The following B3GNT5 variants were observed in gnomAD, a reference collection of about 807,000 sequenced individuals.
B3GNT5 encodes UDP-GlcNAc:betaGal beta-1,3-N-acetylglucosaminyltransferase 5.
A neutral mutation model predicts 25.9 loss-of-function variants in B3GNT5; 11 were observed. The observed-to-expected ratio is 0.42, with a 90% CI of 0.27 to 0.70. The LOEUF is 0.70. B3GNT5 is among the 30% of genes least tolerant of loss of function. B3GNT5 has a pLI of 0.23. For missense variants in B3GNT5, 385 were observed against 458.4 expected (o/e 0.84, Z 1.46); for synonymous variants, 166 against 158.6 (o/e 1.05, Z -0.35).
chr3:183,258,092 C>T (rs1192152038), intron 1 of B3GNT5, among the ~76,000 whole-genome samples: 4 of 151,460 alleles, frequency 2.6e-5, no homozygotes, highest in Non-Finnish European at 4.4e-5. Flanking sequence ...TTCAGCCTCC[C>T]GAGTAGCTGG....
chr3:183,261,284 A>G (rs1340940993), intron 1 of B3GNT5, among the ~76,000 whole-genome samples: 1 of 152,178 alleles, frequency 6.6e-6, no homozygotes, highest in Non-Finnish European at 1.5e-5. Flanking sequence ...TGGCTTCTGA[A>G]GATTGGTCCT....
In B3GNT5 at chr3:183,271,911, G is replaced by A. The variant is rs577487727; in HGVS notation, c.*976G>A. On this transcript the variant is annotated 3_prime_UTR_variant, in exon 2 of 2. Coordinates refer to ENST00000326505, the MANE Select transcript of B3GNT5 (RefSeq NM_032047.5). Reference sequence around the variant, plus strand: ...ATGAAATCTTAGTGTCTAAATCCTTGTACTGATTACTAAAATTAACCCACT... The same window carrying A: ...ATGAAATCTTAGTGTCTAAATCCTTATACTGATTACTAAAATTAACCCACT... The A allele has an allele frequency of 2.4e-5, 4 of 167,648 alleles. No individual in the cohort carries two copies. Among genetic ancestry groups the A allele is most frequent in the African/African-American group, 9.7e-5 (4 of 41,434 alleles). The allele number at this position is 167,648 out of a possible 1,614,324, so 10.4% of individuals were successfully genotyped here.
Position 183,272,841 on chromosome 3 carries a change from T to C in B3GNT5, c.*1906T>C. The C allele has an allele frequency of 8.0e-7, 1 of 1,242,720 alleles. No homozygotes were observed. Among genetic ancestry groups the C allele is most frequent in the Non-Finnish European group, 1.0e-6 (1 of 981,552 alleles). 77.0% of individuals were successfully genotyped at this position (1,242,720 alleles called of 1,614,324 possible). A position where few individuals can be genotyped will look rare whatever the true frequency, so the allele number is the denominator to read the frequency against. On this transcript the variant is annotated 3_prime_UTR_variant, in exon 2 of 2. Coordinates refer to ENST00000326505, the MANE Select transcript of B3GNT5 (RefSeq NM_032047.5). ...GGTTGCCATTGGTTGAAAACATAAG[T>C]GTCTCTGGCCATCAAAGTGATCTTG...
intron 1 of B3GNT5, among the ~76,000 whole-genome samples, chr3:183,265,781 C>T (rs1193382172): frequency 6.6e-6 from 1 of 152,144 alleles, no homozygotes; most frequent in East Asian, 1.9e-4. Context: ...TTTTACCTTT[C>T]CTAAATCTTC....
rs367721231 is a variant in B3GNT5, at chr3:183,269,620, C to T, written c.-179C>T. 8 of 582,000 alleles carry T rather than the reference C, an allele frequency of 1.4e-5. No individual in the cohort carries two copies. The highest frequency in any genetic ancestry group is 1.1e-4 in the Admixed American group (3 of 27,486). The allele number at this position is 582,000 out of a possible 1,614,324, so 36.1% of individuals were successfully genotyped here. A position where few individuals can be genotyped will look rare whatever the true frequency, so the allele number is the denominator to read the frequency against. On this transcript the variant is annotated 5_prime_UTR_variant, in exon 2 of 2. Coordinates refer to ENST00000326505, the MANE Select transcript of B3GNT5 (RefSeq NM_032047.5). ...CGTTCTACAGGGTGTTCCATTCTTC[C>T]GCAATCTCAGAAAAATGGGACTAAA...
chr3:183,273,091 TA>T lies in B3GNT5; in HGVS notation c.*2162del. 1 of 1,395,450 alleles carries T rather than the reference TA, an allele frequency of 7.2e-7. No individual in the cohort carries two copies. The allele number at this position is 1,395,450 out of a possible 1,614,324, so 86.4% of individuals were successfully genotyped here. ...TGTAAATAAAAGGGTTCCAACCTTT[TA>T]AAAAAGAAGGAAAAAACTTTTTGGT... is the stretch of plus-strand genomic sequence containing the variant. On this transcript the variant is annotated 3_prime_UTR_variant, in exon 2 of 2. Coordinates refer to ENST00000326505, the MANE Select transcript of B3GNT5 (RefSeq NM_032047.5).
chr3:183,270,981 G>A lies in B3GNT5; in HGVS notation c.*46G>A. 5 of 1,489,596 alleles carry A rather than the reference G, an allele frequency of 3.4e-6. No homozygotes were observed. Among genetic ancestry groups the A allele is most frequent in the Non-Finnish European group, 4.5e-6 (5 of 1,114,240 alleles). 92.3% of individuals were successfully genotyped at this position (1,489,596 alleles called of 1,614,324 possible). On this transcript the variant is annotated 3_prime_UTR_variant, in exon 2 of 2. Transcript: ENST00000326505. The surrounding 1 kb of genome is among the most constrained non-coding windows in gnomAD (Gnocchi z 4.5). ...TTTTCACTGTCACTGAGTCAAACCT[G>A]GATGAAAAAAACCTTTAAATGTTCG...
intron 1 of B3GNT5, among the ~76,000 whole-genome samples, chr3:183,261,692 T>A (rs1280973214): frequency 6.6e-6 from 1 of 152,134 alleles, no homozygotes; most frequent in African/African-American, 2.4e-5. Flanking sequence ...CTACAGTATT[T>A]TATTTCCCCC....
At chr3:183,254,131 C>T (rs188120560) in intron 1 of B3GNT5, 1 of 151,748 alleles carries the variant, frequency 6.6e-6, no homozygotes, top group Non-Finnish European at 1.5e-5. Flanking sequence ...CGGGAGGCTC[C>T]GAGTCTGCCC....
chr3:183,269,924 T>TA lies in B3GNT5; in HGVS notation c.127dup (p.Met43AsnfsTer12). On this transcript the variant is annotated frameshift_variant, in exon 2 of 2. Coordinates refer to ENST00000326505, the MANE Select transcript of B3GNT5 (RefSeq NM_032047.5). LOFTEE classifies it high-confidence loss of function. ...CAATCGATAATCACATTGTGAGCCA[T>TA]ATGAAGTCATATTCTTACAGATACC... is the stretch of plus-strand genomic sequence containing the variant. 1 of 1,614,184 alleles carries TA rather than the reference T, an allele frequency of 6.2e-7. No homozygotes were observed. The highest frequency in any genetic ancestry group is 8.5e-7 in the Non-Finnish European group (1 of 1,180,028).
chr3:183,272,750 A>T lies in B3GNT5; in HGVS notation c.*1815A>T. On this transcript the variant is annotated 3_prime_UTR_variant, in exon 2 of 2. Coordinates refer to ENST00000326505, the MANE Select transcript of B3GNT5 (RefSeq NM_032047.5). ...GCTTATAATTAATTTTTATTAGTTG[A>T]TTGATTAATGATGTATTGCCTTTTG... The T allele has an allele frequency of 9.4e-7, 1 of 1,064,004 alleles. No individual in the cohort carries two copies. 65.9% of individuals were successfully genotyped at this position (1,064,004 alleles called of 1,614,324 possible). A position where few individuals can be genotyped will look rare whatever the true frequency, so the allele number is the denominator to read the frequency against.
At position 183,272,198 on chromosome 3, in the gene B3GNT5, G is replaced by T; in HGVS notation, c.*1263G>T. The T allele has an allele frequency of 1.0e-6, 1 of 999,948 alleles. No homozygotes were observed. Among genetic ancestry groups the T allele is most frequent in the South Asian group, 4.7e-5 (1 of 21,286 alleles). 61.9% of individuals were successfully genotyped at this position (999,948 alleles called of 1,614,324 possible). On this transcript the variant is annotated 3_prime_UTR_variant, in exon 2 of 2. Transcript: ENST00000326505. ...AGAGATGTGTCTGAGATCTAATAGA[G>T]TAAGTTACATTTATTTTACAAAGCA... is the stretch of plus-strand genomic sequence containing the variant.
intron 1 of B3GNT5, among the ~76,000 whole-genome samples, chr3:183,268,783 C>G (rs946222810): frequency 6.6e-6 from 1 of 152,166 alleles, no homozygotes; most frequent in African/African-American, 2.4e-5. Context: ...CCGTAAGTGG[C>G]TAAGGCGGCA....
At position 183,270,838 on chromosome 3, in the gene B3GNT5, G is replaced by GT; in HGVS notation, c.1047dup (p.Gly350TrpfsTer15). 2 of 1,613,692 alleles carry GT rather than the reference G, an allele frequency of 1.2e-6. No homozygotes were observed. Among genetic ancestry groups the GT allele is most frequent in the African/African-American group, 1.3e-5 (1 of 74,990 alleles). On this transcript the variant is annotated frameshift_variant, in exon 2 of 2. Coordinates refer to ENST00000326505, the MANE Select transcript of B3GNT5 (RefSeq NM_032047.5). LOFTEE classifies it high-confidence loss of function. This position sits in a 1 kb window ranked among gnomAD's most constrained non-coding sequence, Gnocchi z 4.5. ...CCTAAAGTAAAAACCATTTCCAAAG[G>GT]TTTTTTTGGTCAAATATACTGCAGA...
Position 183,272,937 on chromosome 3 carries a change from T to C in B3GNT5, c.*2002T>C. ...GCTCTTCTGAACTGTGTCCTTTTAATTTTTGCTTAGAATAGAATGGAACAA... is the reference window on the plus strand; with the variant it reads ...GCTCTTCTGAACTGTGTCCTTTTAACTTTTGCTTAGAATAGAATGGAACAA... On this transcript the variant is annotated 3_prime_UTR_variant, in exon 2 of 2. Transcript: ENST00000326505. The C allele has an allele frequency of 7.1e-7, 1 of 1,407,690 alleles. No individual in the cohort carries two copies. The highest frequency in any genetic ancestry group is 9.3e-7 in the Non-Finnish European group (1 of 1,077,474). 87.2% of individuals were successfully genotyped at this position (1,407,690 alleles called of 1,614,324 possible).
intron 1 of B3GNT5, among the ~76,000 whole-genome samples, chr3:183,266,717 G>C (rs1726165089): frequency 6.6e-6 from 1 of 151,950 alleles, no homozygotes; most frequent in Admixed American, 6.5e-5. Flanking sequence ...AGAGCATTCA[G>C]TCCAGAAATG....
chr3:183,256,424 T>C (rs937143552), intron 1 of B3GNT5, among the ~76,000 whole-genome samples: 4 of 151,242 alleles, frequency 2.6e-5, no homozygotes, highest in African/African-American at 9.7e-5. Flanking sequence ...ATAAGAAACT[T>C]GATCAGGTGA....
intron 1 of B3GNT5, among the ~76,000 whole-genome samples, chr3:183,260,717 A>C (rs532555613): frequency 6.6e-6 from 1 of 152,338 alleles, no homozygotes; most frequent in East Asian, 1.9e-4. Context: ...TAACTTATAA[A>C]GAGATATAAG....
Position 183,269,914 on chromosome 3 carries a change from T to C in B3GNT5, c.116T>C (p.Ile39Thr). 1 of 1,614,162 alleles carries C rather than the reference T, an allele frequency of 6.2e-7. No homozygotes were observed. Among genetic ancestry groups the C allele is most frequent in the Non-Finnish European group, 8.5e-7 (1 of 1,180,032 alleles). The change falls in exon 2 of 2, where the codon ATT (isoleucine) becomes ACT (threonine). Residue 39 changes from isoleucine to threonine, a missense_variant. Coordinates refer to ENST00000326505, the MANE Select transcript of B3GNT5 (RefSeq NM_032047.5). ...MFFWEPIDNHIVSHMKSYSYR... is the reference protein window; with the variant it reads ...MFFWEPIDNHTVSHMKSYSYR... Reference sequence around the variant, plus strand: ...TTTTGGGAACCAATCGATAATCACATTGTGAGCCATATGAAGTCATATTCT... The same window carrying C: ...TTTTGGGAACCAATCGATAATCACACTGTGAGCCATATGAAGTCATATTCT...
Sources: gnomAD v4.1 joint callset for allele counts (sites outside exome capture counted in the v4.1 genomes callset) on GRCh38, gnomAD v4.1.1 for gene constraint, Gnocchi (gnomAD v3.1) non-coding constraint, MANE v1.5 for transcripts, NCBI Gene and HGNC (gene_info 2026-07-23, HGNC 2026-07-21) for gene names.